Variants in ZNF717 observed in about 807,000 individuals in gnomAD.
The protein encoded by ZNF717 is krueppel-like factor X17.
Under a neutral mutation model 13.8 loss-of-function variants are expected in ZNF717, and 9 were observed. The observed-to-expected ratio is 0.65, with a 90% CI of 0.39 to 1.14. ZNF717 has a LOEUF of 1.14. Ranked by LOEUF, ZNF717 falls within the 50% of genes most tolerant of loss-of-function variation. The pLI, the probability that ZNF717 is intolerant of heterozygous loss-of-function variation, is 0.01. For missense variants in ZNF717, 1,040 were observed against 1,080.7 expected (o/e 0.96, Z 0.53); for synonymous variants, 327 against 364.1 (o/e 0.90, Z 1.16).
chr3:75,713,746 C>T (rs111706564), intron 5 of ZNF717, among the ~76,000 whole-genome samples: 3,610 of 152,068 alleles, frequency 0.024, 148 homozygotes, highest in African/African-American at 0.081. Context: ...AATAAAGGCA[C>T]AAGACAAAGA....
chr3:75,713,228 G>A (rs1264918772), intron 5 of ZNF717, among the ~76,000 whole-genome samples: 16 of 152,060 alleles, frequency 1.1e-4, no homozygotes, highest in Admixed American at 9.2e-4. Context: ...ACAGTTCACT[G>A]CAGCCTCAAC....
At chr3:75,725,451 G>A (rs1157078737), downstream of ZNF717, among the ~76,000 whole-genome samples, 1 of 152,222 alleles carries the variant, frequency 6.6e-6, no homozygotes, top group Non-Finnish European at 1.5e-5. Flanking sequence ...CAATTTTCCT[G>A]AATAAAAAAG....
chr3:75,717,179 T>G (rs1309831153), intron 4 of ZNF717, among the ~76,000 whole-genome samples: 6 of 152,182 alleles, frequency 3.9e-5, no homozygotes, highest in Non-Finnish European at 8.8e-5. Flanking sequence ...TATATAAAAG[T>G]AAATGTGATT....
chr3:75,727,916 A>C (rs1344586076), downstream of ZNF717, among the ~76,000 whole-genome samples: 4 of 152,238 alleles, frequency 2.6e-5, no homozygotes, highest in African/African-American at 4.8e-5. Flanking sequence ...CCAGAGGCCA[A>C]GCTGTAAAAT....
intron 2 of ZNF717, among the ~76,000 whole-genome samples, chr3:75,779,396 T>C (rs530964208): frequency 3.4e-3 from 468 of 136,822 alleles, no homozygotes; most frequent in African/African-American, 0.013. Context: ...ACAATGGGAG[T>C]GATGTGCTAA....
intron 6 of ZNF717, among the ~76,000 whole-genome samples, chr3:75,694,708 AAAG>A (rs1937587382): frequency 6.6e-6 from 1 of 152,230 alleles, no homozygotes; most frequent in Non-Finnish European, 1.5e-5. Flanking sequence ...GAATGGCAAT[AAAG>A]TATAGTTTTT....
At chr3:75,777,943 A>G (rs1352986413) in intron 2 of ZNF717, among the ~76,000 whole-genome samples, 1 of 151,598 alleles carries the variant, frequency 6.6e-6, no homozygotes, top group Non-Finnish European at 1.5e-5. Flanking sequence ...ACTGGAAACC[A>G]AAACAATGGG....
intron 1 of ZNF717, among the ~76,000 whole-genome samples, chr3:75,784,289 T>C (rs1026311586): frequency 6.6e-6 from 1 of 152,158 alleles, no homozygotes; most frequent in Non-Finnish European, 1.5e-5. Flanking sequence ...ACAAATAAAA[T>C]GGTGGTTGTT....
intron 4 of ZNF717, among the ~76,000 whole-genome samples, chr3:75,739,699 C>T (rs1940110756): frequency 6.6e-6 from 1 of 151,776 alleles, no homozygotes; most frequent in Admixed American, 6.6e-5. Flanking sequence ...ATTCATATAA[C>T]AATAGTGGCT....
At chr3:75,717,730 G>A (rs79100681) in intron 4 of ZNF717, among the ~76,000 whole-genome samples, 11 of 152,128 alleles carry the variant, frequency 7.2e-5, no homozygotes, top group African/African-American at 1.2e-4. Flanking sequence ...AACTTCTAGC[G>A]TCAGTGCAGC....
downstream of ZNF717, among the ~76,000 whole-genome samples, chr3:75,726,210 C>G (rs2918491): frequency 6.6e-6 from 1 of 151,974 alleles, no homozygotes. Flanking sequence ...TTCCTATCAT[C>G]TGGGAGAAAA....
intron 5 of ZNF717, among the ~76,000 whole-genome samples, chr3:75,712,641 T>C (rs1315709699): frequency 6.6e-6 from 1 of 152,160 alleles, no homozygotes; most frequent in Non-Finnish European, 1.5e-5. Flanking sequence ...GACATTTTAG[T>C]TTAGGATGAA....
rs1197788803 is a variant in ZNF717 at position 75,744,921 on chromosome 3, T to C, written c.58-3185A>G. On this transcript the variant is annotated intron_variant, in intron 2 of 4. Coordinates refer to ENST00000652011, the MANE Select transcript of ZNF717 (RefSeq NM_001290208.3). ...CTTCCACTGCAGCCCATTCTAATCATGTTCCGCCCAAGGTGGAAAATTAAT... is the reference window on the plus strand; with the variant it reads ...CTTCCACTGCAGCCCATTCTAATCACGTTCCGCCCAAGGTGGAAAATTAAT... Among the ~76,000 whole-genome samples, 10 of 152,282 alleles carry C rather than the reference T, an allele frequency of 6.6e-5. No homozygotes were observed. The East Asian group carries it at 1.9e-3, about 29-fold the overall frequency.
chr3:75,772,005 G>GC (rs1359096753), intron 2 of ZNF717, among the ~76,000 whole-genome samples: 3 of 152,338 alleles, frequency 2.0e-5, no homozygotes, highest in Non-Finnish European at 4.4e-5. Context: ...CTGTCACCTC[G>GC]CCCCCCTCCA....
downstream of ZNF717, among the ~76,000 whole-genome samples, chr3:75,734,351 G>A (rs546519913): frequency 7.6e-4 from 114 of 149,830 alleles, no homozygotes; most frequent in African/African-American, 2.7e-3. Context: ...TTACAGGTGT[G>A]AGCCACCACA....
intron 2 of ZNF717, among the ~76,000 whole-genome samples, chr3:75,765,151 A>T (rs559807262): frequency 6.6e-6 from 1 of 151,838 alleles, no homozygotes; most frequent in African/African-American, 2.4e-5. Flanking sequence ...AAAACAACAA[A>T]TATTATATAA....
chr3:75,732,015 C>T (rs1469325475), downstream of ZNF717: 19 of 700,862 alleles, frequency 2.7e-5, no homozygotes, highest in African/African-American at 3.3e-4. Context: ...GGTAAAAACA[C>T]CAGGGAGATC....
intron 4 of ZNF717, among the ~76,000 whole-genome samples, chr3:75,724,247 G>A (rs77198255): frequency 6.6e-6 from 1 of 151,876 alleles, no homozygotes; most frequent in Non-Finnish European, 1.5e-5. Flanking sequence ...TAGTCTCCAC[G>A]TCTTGGTGGT....
chr3:75,773,569 G>C (rs980047229), intron 2 of ZNF717, among the ~76,000 whole-genome samples: 4 of 151,186 alleles, frequency 2.6e-5, no homozygotes, highest in Non-Finnish European at 5.9e-5. Flanking sequence ...TATCTGTTTT[G>C]TCACATGTAT....
Sources: gnomAD v4.1 joint callset for allele counts (sites outside exome capture counted in the v4.1 genomes callset) on GRCh38, gnomAD v4.1.1 for gene constraint, MANE v1.5 for transcripts, NCBI Gene and HGNC (gene_info 2026-07-23, HGNC 2026-07-21) for gene names.